The following NPAS3 variants were observed in gnomAD, a reference collection of about 807,000 sequenced individuals.
The protein encoded by NPAS3 is neuronal PAS domain protein 3, also known as neuronal PAS domain-containing protein 3.
Under a neutral mutation model 73.1 loss-of-function variants are expected in NPAS3, and 14 were observed. The observed-to-expected ratio is 0.19, with a 90% CI of 0.13 to 0.30. The LOEUF is 0.30. Ranked by LOEUF, NPAS3 falls within the 10% of genes least tolerant of loss-of-function variation. NPAS3 has a pLI of 1.00. For synonymous variants in NPAS3, 620 were observed against 541.5 expected (o/e 1.14, Z -2.01); for missense variants, 1,096 against 1,250.0 (o/e 0.88, Z 1.86).
At chr14:33,394,715 G>C (rs2047150112) in intron 4 of NPAS3, among the ~76,000 whole-genome samples, 1 of 152,120 alleles carries the variant, frequency 6.6e-6, no homozygotes, top group African/African-American at 2.4e-5. Flanking sequence ...ATAACAATTA[G>C]ATTTTTGAAG....
chr14:33,724,087 A>G (rs2061194262), intron 6 of NPAS3, among the ~76,000 whole-genome samples: 1 of 152,206 alleles, frequency 6.6e-6, no homozygotes, highest in Non-Finnish European at 1.5e-5. Context: ...AAATGTATAG[A>G]CTACTCAATA....
intron 6 of NPAS3, among the ~76,000 whole-genome samples, chr14:33,711,042 C>T (rs1262940036): frequency 6.6e-6 from 1 of 152,178 alleles, no homozygotes; most frequent in Non-Finnish European, 1.5e-5. Context: ...AGGTTTCCAA[C>T]TCTCTCACCT....
Position 33,074,439 on chromosome 14 carries a change from C to T in NPAS3, c.140+18445C>T, listed in dbSNP as rs766496047. Among the ~76,000 whole-genome samples the T allele has an allele frequency of 1.8e-4, 27 of 152,052 alleles. 1 individual carries two copies. Among genetic ancestry groups the T allele is most frequent in the African/African-American group, 2.7e-4 (11 of 41,406 alleles). ...ACATTCTTTCTTTCTTTTTTTGAGA[C>T]GGAGTCTTGCTCTGTCACCCAGGCT... On this transcript the variant is annotated intron_variant, in intron 2 of 11. Transcript: ENST00000356141.
chr14:33,790,404 T>C (rs1257314400), intron 9 of NPAS3, among the ~76,000 whole-genome samples: 1 of 152,262 alleles, frequency 6.6e-6, no homozygotes, highest in Non-Finnish European at 1.5e-5. Context: ...TCAAGTTCTC[T>C]AATTTATTAC....
chr14:33,176,539 T>A (rs1433413801), intron 2 of NPAS3, among the ~76,000 whole-genome samples: 1 of 152,252 alleles, frequency 6.6e-6, no homozygotes, highest in Non-Finnish European at 1.5e-5. Flanking sequence ...TGTTGTAGCA[T>A]GTATCAAAAA....
chr14:33,782,701 C>T (rs1317804519), intron 9 of NPAS3, among the ~76,000 whole-genome samples: 1 of 152,130 alleles, frequency 6.6e-6, no homozygotes, highest in Non-Finnish European at 1.5e-5. Context: ...TAGCACCTGA[C>T]CCAGTCTCAG....
chr14:32,957,386 T>A (rs1193450366), intron 1 of NPAS3, among the ~76,000 whole-genome samples: 1 of 151,636 alleles, frequency 6.6e-6, no homozygotes, highest in Non-Finnish European at 1.5e-5. Flanking sequence ...TTTTTTTTTT[T>A]TTGGAAATGG....
intron 5 of NPAS3, among the ~76,000 whole-genome samples, chr14:33,639,653 A>G (rs2058620681): frequency 6.6e-6 from 1 of 152,204 alleles, no homozygotes; most frequent in Non-Finnish European, 1.5e-5. Context: ...CCCTGCCACT[A>G]CATCTTCTCC....
At chr14:33,717,916 T>C (rs2140526438) in intron 6 of NPAS3, among the ~76,000 whole-genome samples, 1 of 152,284 alleles carries the variant, frequency 6.6e-6, no homozygotes, top group South Asian at 2.1e-4. Context: ...AAAATGGTTA[T>C]TGAGAAAGTC....
chr14:33,009,463 G>A (rs2039114147), intron 1 of NPAS3, among the ~76,000 whole-genome samples: 1 of 152,128 alleles, frequency 6.6e-6, no homozygotes, highest in African/African-American at 2.4e-5. Context: ...AGCAATGATG[G>A]TGAGGCAGAG....
intron 4 of NPAS3, among the ~76,000 whole-genome samples, chr14:33,479,384 C>A (rs569357015): frequency 6.6e-6 from 1 of 152,220 alleles, no homozygotes; most frequent in South Asian, 2.1e-4. Context: ...TACCCCACCC[C>A]CAAACTGTGA....
At chr14:33,089,198 T>C (rs2138791359) in intron 2 of NPAS3, among the ~76,000 whole-genome samples, 1 of 152,226 alleles carries the variant, frequency 6.6e-6, no homozygotes, top group Non-Finnish European at 1.5e-5. Context: ...ATCAAACTTC[T>C]CCAAGCTAAA....
At chr14:33,405,843 G>T (rs1396399490) in intron 4 of NPAS3, among the ~76,000 whole-genome samples, 1 of 152,074 alleles carries the variant, frequency 6.6e-6, no homozygotes, top group Non-Finnish European at 1.5e-5. Context: ...ATTAGTGAGG[G>T]TGTCTTGCAA....
intron 2 of NPAS3, among the ~76,000 whole-genome samples, chr14:33,062,930 A>G (rs1335738941): frequency 1.3e-5 from 2 of 152,240 alleles, no homozygotes; most frequent in African/African-American, 4.8e-5. Flanking sequence ...TAGTTTATGC[A>G]TTAGAGTATA....
At chr14:33,074,834 T>C (rs576330415) in intron 2 of NPAS3, among the ~76,000 whole-genome samples, 1 of 152,352 alleles carries the variant, frequency 6.6e-6, no homozygotes, top group East Asian at 1.9e-4. Context: ...GTTACCATAT[T>C]GAGAAGAGGT....
intron 4 of NPAS3, among the ~76,000 whole-genome samples, chr14:33,547,418 T>C (rs1427887808): frequency 6.6e-6 from 1 of 152,202 alleles, no homozygotes; most frequent in Admixed American, 6.6e-5. Flanking sequence ...AGAGCCATTC[T>C]TGGTCTTCAA....
At chr14:33,629,651 C>G (rs1182678088) in intron 5 of NPAS3, among the ~76,000 whole-genome samples, 1 of 151,812 alleles carries the variant, frequency 6.6e-6, no homozygotes, top group Non-Finnish European at 1.5e-5. Context: ...GAGAAACTCA[C>G]CATTGTATGA....
At chr14:33,340,569 A>G (rs929861482) in intron 3 of NPAS3, among the ~76,000 whole-genome samples, 1 of 152,246 alleles carries the variant, frequency 6.6e-6, no homozygotes, top group Non-Finnish European at 1.5e-5. Flanking sequence ...AACACTGCCC[A>G]CTACCACTTG....
At chr14:33,283,721 G>T (rs910915196) in intron 3 of NPAS3, among the ~76,000 whole-genome samples, 3 of 152,104 alleles carry the variant, frequency 2.0e-5, no homozygotes, top group African/African-American at 7.2e-5. Context: ...AGTATTTAGG[G>T]GAATCAGACA....
Sources: allele counts gnomAD v4.1 joint callset (sites outside exome capture counted in the v4.1 genomes callset), GRCh38; gene constraint gnomAD v4.1.1; transcripts MANE v1.5; gene names NCBI Gene and HGNC (gene_info 2026-07-23, HGNC 2026-07-21).